The following COQ5 variants were observed in gnomAD, a reference collection of about 807,000 sequenced individuals.
COQ5 encodes the protein coenzyme Q5, methyltransferase.
COQ5 carries 27 observed loss-of-function variants against 40.5 expected under a neutral mutation model. The ratio of observed to expected loss-of-function variants is 0.67; its 90% CI spans 0.49 to 0.92. The LOEUF (loss-of-function observed/expected upper bound fraction) is 0.92, where lower values mean the gene tolerates loss of function less well. Among genes scored for constraint, COQ5 ranks in the 40% least tolerant of loss-of-function variants. COQ5 has a pLI of 0.00. For missense variants in COQ5, 409 were observed against 406.4 expected, an observed-to-expected ratio of 1.01 and a Z score of -0.06; for synonymous variants, 141 against 150.0, an observed-to-expected ratio of 0.94 and a Z score of 0.44.
Position 120,503,616 on chromosome 12 carries a change from G to A in COQ5, c.*168C>T, listed in dbSNP as rs1190371785. 6 of 702,648 alleles carry A rather than the reference G, an allele frequency of 8.5e-6. No individual in the cohort carries two copies. The South Asian group carries it at 9.0e-5, about 11-fold the overall frequency. The allele number at this position is 702,648 out of a possible 1,614,324, so 43.5% of individuals were successfully genotyped here. On this transcript the variant is annotated 3_prime_UTR_variant, in exon 7 of 7. Transcript: ENST00000288532. ...CAGCTCCAAAGAAAGCTGTAAAAAA[G>A]TGACAAGAATTTGTTCTTCCACTTT...
chr12:120,529,069 G>C lies in COQ5; in HGVS notation c.73C>G (p.Gln25Glu). ...CAAGAGCTACGAAGCCCGAGGAGCT[G>C]GCAGCCCCGCATCGCCCGCGACCAC... The part of the protein sequence containing the change: ...RGWSRAMRGC[Q>E]LLGLRSSWPG... Residue 25 changes from glutamine to glutamate, a missense_variant, in exon 1 of 7, where the codon CAG (glutamine) becomes GAG (glutamate). Physicochemically the swap from Gln to Glu is conservative, Grantham distance 29 (BLOSUM62 2). Coordinates refer to ENST00000288532, the MANE Select transcript of COQ5 (RefSeq NM_032314.4). The C allele has an allele frequency of 6.2e-7, 1 of 1,614,142 alleles. No individual in the cohort carries two copies. The highest frequency in any genetic ancestry group is 8.5e-7 in the Non-Finnish European group (1 of 1,180,006).
intron 1 of COQ5, chr12:120,523,797 G>C (rs1869788981): frequency 3.9e-6 from 1 of 257,112 alleles, no homozygotes; most frequent in Middle Eastern, 1.4e-3. Flanking sequence ...TTCACTCGAG[G>C]CCAGGAGTTC....
intron 4 of COQ5, among the ~76,000 whole-genome samples, chr12:120,506,788 A>T (rs1278687490): frequency 6.6e-6 from 1 of 151,982 alleles, no homozygotes; most frequent in Non-Finnish European, 1.5e-5. Flanking sequence ...GTGTCTATAA[A>T]GCCAATGTCT....
intron 1 of COQ5, among the ~76,000 whole-genome samples, chr12:120,526,174 T>C (rs1463407245): frequency 1.3e-5 from 2 of 152,220 alleles, no homozygotes; most frequent in Admixed American, 6.5e-5. Flanking sequence ...TCCCAGACTT[T>C]AGGTGACTGG....
chr12:120,517,601 G>A (rs1279882972), intron 2 of COQ5, among the ~76,000 whole-genome samples: 2 of 145,168 alleles, frequency 1.4e-5, no homozygotes, highest in African/African-American at 5.1e-5. Flanking sequence ...AGAATGGCAT[G>A]AACCCAGGAG....
chr12:120,512,862 A>G (rs564194915), intron 3 of COQ5, among the ~76,000 whole-genome samples: 1 of 151,970 alleles, frequency 6.6e-6, no homozygotes, highest in East Asian at 2.0e-4. Flanking sequence ...GTTTGAGAGT[A>G]GCCTGGCCAA....
At chr12:120,526,516 T>A in intron 1 of COQ5, 1 of 454,150 alleles carries the variant, frequency 2.2e-6, no homozygotes, top group Non-Finnish European at 4.4e-6. Context: ...GAAGAAGTGA[T>A]GCCAGCAAAA....
intron 1 of COQ5, among the ~76,000 whole-genome samples, chr12:120,528,567 T>C (rs1193133909): frequency 6.6e-6 from 1 of 152,106 alleles, no homozygotes; most frequent in East Asian, 1.9e-4. Flanking sequence ...TCCCAGCACT[T>C]TGGGAGGCCG....
chr12:120,513,614 G>C (rs1220503131), intron 3 of COQ5, among the ~76,000 whole-genome samples: 1 of 151,336 alleles, frequency 6.6e-6, no homozygotes, highest in Non-Finnish European at 1.5e-5. Context: ...CCACCTCCTG[G>C]GTTCAAGAGA....
In COQ5 at chr12:120,522,318, T is replaced by C; in HGVS notation, c.248A>G (p.Asn83Ser). The C allele has an allele frequency of 1.2e-6, 2 of 1,613,840 alleles. No individual in the cohort carries two copies. Among genetic ancestry groups the C allele is most frequent in the Non-Finnish European group, 1.7e-6 (2 of 1,179,764 alleles). ...ESVAKKYDVM[N>S]DMMSLGIHRV... ...ATGGATACCAAGACTCATCATATCATTCATCACATCATACTTCTTAGCCAC... is the reference window on the plus strand; with the variant it reads ...ATGGATACCAAGACTCATCATATCACTCATCACATCATACTTCTTAGCCAC... Residue 83 changes from asparagine (N) to serine (S), a missense_variant, in exon 2 of 7, where the codon AAT (asparagine) becomes AGT (serine). Physicochemically the swap from Asn to Ser is conservative, Grantham distance 46. Transcript: ENST00000288532.
At chr12:120,506,995 G>A (rs1868911896) in intron 4 of COQ5, among the ~76,000 whole-genome samples, 1 of 151,620 alleles carries the variant, frequency 6.6e-6, no homozygotes, top group South Asian at 2.1e-4. Flanking sequence ...CACCATGCCT[G>A]GCTAATTTTT....
intron 4 of COQ5, among the ~76,000 whole-genome samples, chr12:120,506,286 A>G (rs1456118365): frequency 6.6e-6 from 1 of 152,200 alleles, no homozygotes; most frequent in Non-Finnish European, 1.5e-5. Flanking sequence ...CACATCACCA[A>G]ACTGAAACTA....
In COQ5 at chr12:120,503,285, G is replaced by A; in HGVS notation, c.*499C>T. On this transcript the variant is annotated 3_prime_UTR_variant, in exon 7 of 7. Transcript: ENST00000288532. Reference sequence around the variant, plus strand: ...GAAAAAATGACAAGTACCATCAAAAGGTAAACTCGTTTACTGGTTCAGCAC... The same window carrying A: ...GAAAAAATGACAAGTACCATCAAAAAGTAAACTCGTTTACTGGTTCAGCAC... 3.9e-6 allele frequency: 1 copy of A among 255,758 alleles called. No individual in the cohort carries two copies. Among genetic ancestry groups the A allele is most frequent in the Non-Finnish European group, 7.9e-6 (1 of 127,354 alleles). The allele number at this position is 255,758 out of a possible 1,614,324, so 15.8% of individuals were successfully genotyped here.
In COQ5 at chr12:120,529,081, T is replaced by C. The variant is rs776407019; in HGVS notation, c.61A>G (p.Met21Val). 6.2e-7 allele frequency: 1 copy of C among 1,614,030 alleles called. No individual in the cohort carries two copies. The highest frequency in any genetic ancestry group is 1.7e-5 in the Admixed American group (1 of 59,986). ...SYCGRGWSRA[M>V]RGCQLLGLRS... ...AGCCCGAGGAGCTGGCAGCCCCGCA[T>C]CGCCCGCGACCACCCACGGCCGCAA... The change falls in exon 1 of 7, where the codon ATG becomes GTG. Residue 21 changes from methionine to valine, a missense_variant. Physicochemically the swap from Met to Val is conservative, Grantham distance 21 (BLOSUM62 1). Coordinates refer to ENST00000288532, the MANE Select transcript of COQ5 (RefSeq NM_032314.4).
chr12:120,509,802 T>C, intron 4 of COQ5: 1 of 562,496 alleles, frequency 1.8e-6, no homozygotes. Context: ...TCCCTGGGTG[T>C]GGTGGTGGGT....
chr12:120,516,854 T>C, intron 2 of COQ5, 66 bp from the exon 3 acceptor site: 2 of 1,423,300 alleles, frequency 1.4e-6, no homozygotes, highest in Non-Finnish European at 2.0e-6. Flanking sequence ...GAAACAGCAT[T>C]TCCTAAAACC....
chr12:120,520,046 A>G (rs1345506087), intron 2 of COQ5, among the ~76,000 whole-genome samples: 1 of 152,016 alleles, frequency 6.6e-6, no homozygotes, highest in East Asian at 1.9e-4. Context: ...TATAGAGATT[A>G]TTCTATTGTA....
intron 3 of COQ5, among the ~76,000 whole-genome samples, chr12:120,511,101 CA>C (rs1156955694): frequency 2.6e-5 from 4 of 151,648 alleles, no homozygotes; most frequent in Admixed American, 2.0e-4. Context: ...ACTAAAAATA[CA>C]AAAAATTAGC....
intron 2 of COQ5, among the ~76,000 whole-genome samples, chr12:120,518,597 G>A (rs1351032474): frequency 2.0e-5 from 3 of 147,844 alleles, no homozygotes; most frequent in African/African-American, 5.0e-5. Flanking sequence ...ACGGAGGCTC[G>A]CTCTATTCCC....
Sources: allele counts gnomAD v4.1 joint callset (sites outside exome capture counted in the v4.1 genomes callset), GRCh38; gene constraint gnomAD v4.1.1; transcripts MANE v1.5; gene names NCBI Gene and HGNC (gene_info 2026-07-23, HGNC 2026-07-21).